Variants in TGFB2 observed in about 807,000 individuals in gnomAD.
The protein encoded by TGFB2 is transforming growth factor beta-2 proprotein.
Under a neutral mutation model 42.7 loss-of-function variants are expected in TGFB2, and 13 were observed. The ratio of observed to expected loss-of-function variants is 0.30; its 90% CI spans 0.20 to 0.48. TGFB2 has a LOEUF of 0.48. Ranked by LOEUF, TGFB2 falls within the 20% of genes least tolerant of loss-of-function variation. The probability of loss-of-function intolerance (pLI) is 0.99; values close to 1 mark genes in which losing one functional copy is unlikely to be tolerated. For synonymous variants in TGFB2, 193 were observed against 193.6 expected, an observed-to-expected ratio of 1.00 and a Z score of 0.03; for missense variants, 390 against 517.5, an observed-to-expected ratio of 0.75 and a Z score of 2.39.
At chr1:218,408,099 A>G (rs974480287) in intron 2 of TGFB2, among the ~76,000 whole-genome samples, 4 of 152,150 alleles carry the variant, frequency 2.6e-5, no homozygotes, top group Non-Finnish European at 4.4e-5. Flanking sequence ...CTTTAGTTAC[A>G]TGGCTTCAGT....
chr1:218,361,105 G>C (rs570523469), intron 1 of TGFB2, among the ~76,000 whole-genome samples: 3 of 152,128 alleles, frequency 2.0e-5, no homozygotes, highest in Non-Finnish European at 4.4e-5. Context: ...TGCCTGCCTC[G>C]GCCTCCCAAA....
intron 2 of TGFB2, among the ~76,000 whole-genome samples, chr1:218,411,727 C>T (rs1659103641): frequency 6.6e-6 from 1 of 151,848 alleles, no homozygotes; most frequent in African/African-American, 2.4e-5. Flanking sequence ...TACCCAGGCA[C>T]AGTGGCACAC....
In TGFB2 at chr1:218,431,542, A is replaced by G. The variant is rs574777610; in HGVS notation, c.511-2540A>G. Among the ~76,000 whole-genome samples, 225 of 152,342 alleles carry G rather than the reference A, an allele frequency of 1.5e-3. 1 individual carries two copies. The highest frequency in any genetic ancestry group is 2.8e-3 in the Non-Finnish European group (189 of 68,040). Reference sequence around the variant, plus strand: ...TATATGTCATAGACATTTGACATGTATATCATAAGTAATTAATTCAGCAAT... The same window carrying G: ...TATATGTCATAGACATTTGACATGTGTATCATAAGTAATTAATTCAGCAAT... On this transcript the variant is annotated intron_variant, in intron 2 of 6. Transcript: ENST00000366930.
intron 6 of TGFB2, among the ~76,000 whole-genome samples, chr1:218,440,045 C>T (rs1048294279): frequency 8.5e-5 from 13 of 152,302 alleles, no homozygotes; most frequent in African/African-American, 2.4e-4. Flanking sequence ...GGGGAACCTA[C>T]ATACTTCCAT....
intron 1 of TGFB2, among the ~76,000 whole-genome samples, chr1:218,390,508 A>G (rs1658285702): frequency 6.6e-6 from 1 of 152,298 alleles, no homozygotes; most frequent in African/African-American, 2.4e-5. Context: ...AAATTCAAAC[A>G]TTTTATAGCC....
rs184638627 is a variant in TGFB2, at chr1:218,430,923, G to A, written c.511-3159G>A. 9.2e-5 allele frequency among the ~76,000 whole-genome samples: 14 copies of A among 152,258 alleles called. No individual in the cohort carries two copies. In the East Asian group the frequency reaches 2.3e-3, roughly 25 times the overall value. ...AGAGAAAGCAAGCAAGCACGCTGAG[G>A]GGGACTTAATCATAGTCTCCAAGAA... On this transcript the variant is annotated intron_variant, in intron 2 of 6. Coordinates refer to ENST00000366930, the MANE Select transcript of TGFB2 (RefSeq NM_003238.6).
chr1:218,439,298 C>A (rs188702358), intron 6 of TGFB2, among the ~76,000 whole-genome samples: 1 of 151,992 alleles, frequency 6.6e-6, no homozygotes, highest in African/African-American at 2.4e-5. Flanking sequence ...GGTTTCTATT[C>A]TGCTCTTTAT....
At chr1:218,423,633 G>A (rs905950986) in intron 2 of TGFB2, among the ~76,000 whole-genome samples, 1 of 152,190 alleles carries the variant, frequency 6.6e-6, no homozygotes, top group Non-Finnish European at 1.5e-5. Context: ...ATATTGTTTA[G>A]ATTAGGCTTC....
intron 2 of TGFB2, among the ~76,000 whole-genome samples, chr1:218,412,628 C>T (rs934864184): frequency 2.6e-5 from 4 of 152,096 alleles, no homozygotes; most frequent in Non-Finnish European, 5.9e-5. Flanking sequence ...TTAGTAATTC[C>T]CAATTAGCTT....
At chr1:218,390,339 G>GA (rs112509308) in intron 1 of TGFB2, among the ~76,000 whole-genome samples, 214 of 136,102 alleles carry the variant, frequency 1.6e-3, no homozygotes, top group Middle Eastern at 3.7e-3. Flanking sequence ...CTTCCCCAAA[G>GA]AAAAAAAAAA....
intron 2 of TGFB2, among the ~76,000 whole-genome samples, chr1:218,410,663 A>T (rs970068330): frequency 2.6e-5 from 4 of 152,208 alleles, no homozygotes; most frequent in Non-Finnish European, 5.9e-5. Flanking sequence ...GATAGTAACG[A>T]TCTTTGCCAT....
At chr1:218,403,463 G>T (rs537673891) in intron 1 of TGFB2, among the ~76,000 whole-genome samples, 1 of 152,274 alleles carries the variant, frequency 6.6e-6, no homozygotes, top group South Asian at 2.1e-4. Context: ...TTTCTTCAGT[G>T]TAATCGTCAG....
chr1:218,405,643 A>G (rs1658888458), intron 2 of TGFB2: 2 of 395,118 alleles, frequency 5.1e-6, no homozygotes, highest in African/African-American at 4.1e-5. Flanking sequence ...TTTGGGGATT[A>G]CAGACATGAG....
chr1:218,379,780 C>T (rs1657897655), intron 1 of TGFB2, among the ~76,000 whole-genome samples: 1 of 152,116 alleles, frequency 6.6e-6, no homozygotes, highest in African/African-American at 2.4e-5. Flanking sequence ...TCTTATTTTA[C>T]CATTTTCTTT....
chr1:218,349,209 G>A (rs1429693645), intron 1 of TGFB2, among the ~76,000 whole-genome samples: 1 of 152,154 alleles, frequency 6.6e-6, no homozygotes, highest in Non-Finnish European at 1.5e-5. Flanking sequence ...CTGTATGGAA[G>A]TTTAGGAGCA....
chr1:218,402,644 G>T (rs1388304621), intron 1 of TGFB2, among the ~76,000 whole-genome samples: 1 of 152,228 alleles, frequency 6.6e-6, no homozygotes, highest in Non-Finnish European at 1.5e-5. Context: ...TGAGGCAGGC[G>T]TGTGTGAAAG....
intron 2 of TGFB2, among the ~76,000 whole-genome samples, chr1:218,429,688 T>G (rs1659744738): frequency 6.6e-6 from 1 of 152,228 alleles, no homozygotes; most frequent in African/African-American, 2.4e-5. Flanking sequence ...TCCAAAAAAC[T>G]TTCTTTCCTA....
At position 218,403,319 on chromosome 1, in the gene TGFB2, C is replaced by T. The variant is rs566076891; in HGVS notation, c.347-1850C>T. The stretch of plus-strand genomic sequence containing the variant: ...GGAGGAGACTGGTGTAGAAATTCCC[C>T]GCTTCTCCGTGGGCCTGTGTGCTGA... On this transcript the variant is annotated intron_variant, in intron 1 of 6. Coordinates refer to ENST00000366930, the MANE Select transcript of TGFB2 (RefSeq NM_003238.6). Among the ~76,000 whole-genome samples, 26 of 152,180 alleles carry T rather than the reference C, an allele frequency of 1.7e-4. No homozygotes were observed. The East Asian group carries it at 3.7e-3, about 21-fold the overall frequency.
chr1:218,418,135 C>G (rs989404351), intron 2 of TGFB2, among the ~76,000 whole-genome samples: 8 of 152,268 alleles, frequency 5.3e-5, no homozygotes, highest in Non-Finnish European at 1.0e-4. Flanking sequence ...CAGCTTGCAC[C>G]GTATGCCTGG....
Sources: allele counts gnomAD v4.1 joint callset (sites outside exome capture counted in the v4.1 genomes callset), GRCh38; gene constraint gnomAD v4.1.1; transcripts MANE v1.5; gene names NCBI Gene and HGNC (gene_info 2026-07-23, HGNC 2026-07-21).